MAF: variants seen among roughly 807,000 people sequenced by gnomAD.
MAF encodes the protein MAF bZIP transcription factor.
Under a neutral mutation model 22.0 loss-of-function variants are expected in MAF, and 10 were observed. The observed-to-expected ratio is 0.45, with a 90% confidence interval of 0.28 to 0.77. The LOEUF (loss-of-function observed/expected upper bound fraction) is 0.77. MAF is among the 30% of genes least tolerant of loss of function. MAF has a pLI of 0.12. For missense variants in MAF, 544 were observed against 548.4 expected, an observed-to-expected ratio of 0.99 and a Z score of 0.08; for synonymous variants, 337 against 255.8, an observed-to-expected ratio of 1.32 and a Z score of -3.03.
At chr16:79,457,422 G>A in the MAF span, among the ~76,000 whole-genome samples, 440 of 146,326 alleles carry the variant, frequency 3.0e-3, 5 homozygotes, top group African/African-American at 0.01. Context: ...GATCCCATTC[G>A]GACAATGTTA....
At chr16:79,376,088 T>G in the MAF span, among the ~76,000 whole-genome samples, 3 of 149,730 alleles carry the variant, frequency 2.0e-5, no homozygotes, top group South Asian at 6.3e-4. Context: ...GAAGCAACAA[T>G]TATTCTAAGT....
chr16:79,204,871 T>C, the MAF span: 3 of 152,220 alleles, frequency 2.0e-5, no homozygotes, highest in Admixed American at 6.5e-5. Flanking sequence ...CCTGCAAATA[T>C]TTCACAGAGG....
the MAF span, among the ~76,000 whole-genome samples, chr16:79,313,992 G>A: frequency 4.1e-4 from 62 of 152,294 alleles, no homozygotes; most frequent in Non-Finnish European, 7.5e-4. Flanking sequence ...AAACTATGGC[G>A]TTGGAATACA....
the MAF span, among the ~76,000 whole-genome samples, chr16:79,258,238 C>A: frequency 1.3e-5 from 2 of 152,122 alleles, no homozygotes; most frequent in Non-Finnish European, 2.9e-5. Flanking sequence ...CACCACAGTC[C>A]GGAAGTGCAT....
chr16:79,327,436 G>A, the MAF span, among the ~76,000 whole-genome samples: 2 of 152,146 alleles, frequency 1.3e-5, no homozygotes, highest in Non-Finnish European at 2.9e-5. Flanking sequence ...TCTCTTGGAG[G>A]CAGATGGGTC....
chr16:79,448,377 ATT>A, the MAF span, among the ~76,000 whole-genome samples: 1,386 of 141,596 alleles, frequency 9.8e-3, 5 homozygotes, highest in Non-Finnish European at 0.013. Flanking sequence ...GAATGCTAGC[ATT>A]TTTTTTTTTT....
chr16:79,454,536 T>C, the MAF span, among the ~76,000 whole-genome samples: 2 of 152,208 alleles, frequency 1.3e-5, no homozygotes, highest in African/African-American at 4.8e-5. Context: ...CATTAATCTT[T>C]AAGTGATGTC....
chr16:79,534,832 A>C, the MAF span, among the ~76,000 whole-genome samples: 21 of 152,316 alleles, frequency 1.4e-4, no homozygotes, highest in South Asian at 3.7e-3. Context: ...TAGAAGAAAG[A>C]AAGCAGATTT....
the MAF span, among the ~76,000 whole-genome samples, chr16:79,539,246 G>T: frequency 3.9e-5 from 6 of 152,254 alleles, no homozygotes; most frequent in Non-Finnish European, 8.8e-5. Flanking sequence ...GCTCATGCCT[G>T]TAATCCCAGC....
the MAF span, among the ~76,000 whole-genome samples, chr16:79,278,941 G>T: frequency 5.3e-5 from 8 of 152,182 alleles, no homozygotes; most frequent in East Asian, 9.7e-4. Flanking sequence ...AAAAGTTGTA[G>T]GCTGGAGGAG....
the MAF span, among the ~76,000 whole-genome samples, chr16:79,256,258 G>A: frequency 6.6e-6 from 1 of 151,922 alleles, no homozygotes; most frequent in Non-Finnish European, 1.5e-5. Flanking sequence ...AGAGTGCTGG[G>A]ATTACAGGTG....
chr16:79,251,900 T>C, the MAF span, among the ~76,000 whole-genome samples: 1 of 151,268 alleles, frequency 6.6e-6, no homozygotes, highest in Non-Finnish European at 1.5e-5. Context: ...TCTGTGTATG[T>C]GTGTGTGTGT....
chr16:79,575,701 G>T, the MAF span, among the ~76,000 whole-genome samples: 4 of 152,198 alleles, frequency 2.6e-5, no homozygotes, highest in Admixed American at 2.6e-4. Flanking sequence ...GTGGGACAAA[G>T]AGAATGTACC....
At chr16:79,517,185 G>C in the MAF span, among the ~76,000 whole-genome samples, 1 of 152,144 alleles carries the variant, frequency 6.6e-6, no homozygotes, top group South Asian at 2.1e-4. Context: ...TCATTCCTTG[G>C]CTCTGAGCCT....
the MAF span, among the ~76,000 whole-genome samples, chr16:79,336,942 C>T: frequency 1.5e-4 from 23 of 152,238 alleles, no homozygotes; most frequent in East Asian, 2.9e-3. Context: ...AGGTTCCACA[C>T]GTTAAAGCAA....
chr16:79,454,323 G>A, the MAF span, among the ~76,000 whole-genome samples: 46 of 152,270 alleles, frequency 3.0e-4, no homozygotes, highest in African/African-American at 1.1e-3. Flanking sequence ...TGAAAGGACA[G>A]TGAAGAGAGA....
chr16:79,274,237 G>T, the MAF span, among the ~76,000 whole-genome samples: 1 of 145,010 alleles, frequency 6.9e-6, no homozygotes, highest in African/African-American at 2.6e-5. Context: ...TTATAGGCAT[G>T]AGCCACTTTG....
At chr16:79,527,703 G>A in the MAF span, among the ~76,000 whole-genome samples, 1 of 152,138 alleles carries the variant, frequency 6.6e-6, no homozygotes, top group Non-Finnish European at 1.5e-5. Flanking sequence ...GAGGGTGTGG[G>A]GTGGTGATGT....
the MAF span, among the ~76,000 whole-genome samples, chr16:79,560,967 A>G: frequency 6.6e-6 from 1 of 152,254 alleles, no homozygotes; most frequent in Non-Finnish European, 1.5e-5. Context: ...TGCTCTACCC[A>G]TCCTTGCCTA....
Sources: allele counts gnomAD v4.1 joint callset (sites outside exome capture counted in the v4.1 genomes callset), GRCh38; gene constraint gnomAD v4.1.1; transcripts MANE v1.5; gene names NCBI Gene and HGNC (gene_info 2026-07-23, HGNC 2026-07-21).